Variants in NELL2 observed in about 807,000 individuals in gnomAD.
The protein encoded by NELL2 is neural EGFL like 2.
A neutral mutation model predicts 109.6 loss-of-function variants in NELL2; 41 were observed. That is an observed-to-expected ratio of 0.37 (90% CI 0.29 to 0.49). The LOEUF is 0.49. Ranked by LOEUF, NELL2 falls within the 20% of genes least tolerant of loss-of-function variation. The pLI is 0.98. For synonymous variants in NELL2, 355 were observed against 344.7 expected (o/e 1.03, Z -0.33); for missense variants, 900 against 1,008.3 (o/e 0.89, Z 1.45).
chr12:44,907,647 G>A (rs983958190), intron 1 of NELL2, among the ~76,000 whole-genome samples: 14 of 152,174 alleles, frequency 9.2e-5, no homozygotes, highest in Admixed American at 8.5e-4. Context: ...GCCATAAAGG[G>A]AAGGAGAGAA....
chr12:44,597,870 G>C (rs527513130), intron 15 of NELL2, among the ~76,000 whole-genome samples: 8 of 152,306 alleles, frequency 5.3e-5, no homozygotes, highest in African/African-American at 1.9e-4. Flanking sequence ...GAAGAGATCA[G>C]AATTAAGGAT....
chr12:44,578,957 CA>C (rs1387378814), intron 15 of NELL2, among the ~76,000 whole-genome samples: 1 of 152,100 alleles, frequency 6.6e-6, no homozygotes, highest in Non-Finnish European at 1.5e-5. Flanking sequence ...AGGCATTTCT[CA>C]GGGGCATTCT....
chr12:44,730,855 TC>T (rs1939332024), intron 9 of NELL2, among the ~76,000 whole-genome samples: 1 of 151,346 alleles, frequency 6.6e-6, no homozygotes, highest in Non-Finnish European at 1.5e-5. Flanking sequence ...TTTAAAAAGA[TC>T]AACAACATTG....
intron 15 of NELL2, among the ~76,000 whole-genome samples, chr12:44,580,772 G>A (rs1013705432): frequency 1.5e-4 from 23 of 152,004 alleles, no homozygotes; most frequent in Non-Finnish European, 7.4e-5. Context: ...CTGGAAAATG[G>A]CTTTAAGTTC....
intron 1 of NELL2, among the ~76,000 whole-genome samples, chr12:44,886,479 A>G (rs1945474968): frequency 6.6e-5 from 10 of 151,976 alleles, no homozygotes. Context: ...GGACCAAAAA[A>G]TTCAATTAAA....
chr12:44,742,964 C>A (rs1169241834), intron 9 of NELL2, among the ~76,000 whole-genome samples: 1 of 152,104 alleles, frequency 6.6e-6, no homozygotes, highest in African/African-American at 2.4e-5. Flanking sequence ...CACAAAGATA[C>A]TTCTTGAGAA....
intron 1 of NELL2, among the ~76,000 whole-genome samples, chr12:44,896,209 C>A (rs750959959): frequency 6.6e-6 from 1 of 151,966 alleles, no homozygotes; most frequent in Non-Finnish European, 1.5e-5. Flanking sequence ...AAAACTCATC[C>A]AACTAAGCAA....
chr12:44,566,407 A>C (rs1943659429), intron 15 of NELL2, among the ~76,000 whole-genome samples: 1 of 152,154 alleles, frequency 6.6e-6, no homozygotes, highest in South Asian at 2.1e-4. Context: ...AGGGAGAAGA[A>C]ATGGCATAGA....
At chr12:44,643,998 G>A (rs1946957869) in intron 13 of NELL2, among the ~76,000 whole-genome samples, 1 of 152,102 alleles carries the variant, frequency 6.6e-6, no homozygotes, top group Non-Finnish European at 1.5e-5. Context: ...ATGTTTGATA[G>A]GACAAGACAA....
At chr12:44,673,725 A>G (rs1419677884) in intron 12 of NELL2, among the ~76,000 whole-genome samples, 1 of 152,208 alleles carries the variant, frequency 6.6e-6, no homozygotes, top group Non-Finnish European at 1.5e-5. Flanking sequence ...ATCACTGTCA[A>G]CCAGTTAGCT....
At chr12:44,664,549 A>G (rs1165501903) in intron 13 of NELL2, among the ~76,000 whole-genome samples, 3 of 152,052 alleles carry the variant, frequency 2.0e-5, no homozygotes, top group Admixed American at 2.0e-4. Context: ...TCTATTATAG[A>G]TTCATATTTT....
chr12:44,817,743 C>T (rs1270147953), intron 2 of NELL2, among the ~76,000 whole-genome samples: 1 of 152,164 alleles, frequency 6.6e-6, no homozygotes, highest in East Asian at 1.9e-4. Flanking sequence ...CTGCTGTTTC[C>T]ATCACCATTA....
chr12:44,622,961 C>A (rs1366839244), intron 13 of NELL2, among the ~76,000 whole-genome samples: 1 of 152,004 alleles, frequency 6.6e-6, no homozygotes, highest in East Asian at 1.9e-4. Context: ...ATCTTTTGTG[C>A]AGTTTTATTT....
intron 5 of NELL2, 111 bp downstream of exon 5, chr12:44,779,552 C>T (rs1185767783): frequency 4.8e-6 from 4 of 828,974 alleles, no homozygotes; most frequent in Non-Finnish European, 7.5e-6. Flanking sequence ...CACAAATTTT[C>T]TAATTTACAA....
chr12:44,784,134 A>T (rs1942072966), intron 3 of NELL2, among the ~76,000 whole-genome samples: 1 of 152,124 alleles, frequency 6.6e-6, no homozygotes. Flanking sequence ...TGAAACTCTC[A>T]GAAAAGTAAG....
At chr12:44,809,632 T>C (rs1244242261) in intron 3 of NELL2, among the ~76,000 whole-genome samples, 2 of 152,082 alleles carry the variant, frequency 1.3e-5, no homozygotes, top group African/African-American at 4.8e-5. Flanking sequence ...GCATCTCAGG[T>C]TGGGAGGCCA....
At chr12:44,832,536 G>A (rs1326852445) in intron 2 of NELL2, among the ~76,000 whole-genome samples, 2 of 152,150 alleles carry the variant, frequency 1.3e-5, no homozygotes, top group African/African-American at 4.8e-5. Context: ...AAGTATAGCT[G>A]ACCGTCTTGT....
At chr12:44,525,274 C>A (rs1941712637) in intron 16 of NELL2, among the ~76,000 whole-genome samples, 1 of 152,022 alleles carries the variant, frequency 6.6e-6, no homozygotes, top group African/African-American at 2.4e-5. Flanking sequence ...CTGCAAGGGA[C>A]AAAGAAGAGA....
intron 15 of NELL2, among the ~76,000 whole-genome samples, chr12:44,593,987 A>G (rs1181894556): frequency 6.6e-6 from 1 of 152,174 alleles, no homozygotes; most frequent in Non-Finnish European, 1.5e-5. Flanking sequence ...TTGCAGGGAC[A>G]TGGATGAAGC....
Sources: allele counts gnomAD v4.1 joint callset (sites outside exome capture counted in the v4.1 genomes callset), GRCh38; gene constraint gnomAD v4.1.1; transcripts MANE v1.5; gene names NCBI Gene and HGNC (gene_info 2026-07-23, HGNC 2026-07-21).